TNNT1: variants seen among roughly 807,000 people sequenced by gnomAD.
TNNT1 encodes troponin T, slow skeletal muscle.
Under a neutral mutation model 50.6 loss-of-function variants are expected in TNNT1, and 53 were observed. The ratio of observed to expected loss-of-function variants is 1.05; its 90% confidence interval spans 0.84 to 1.32. The LOEUF is 1.32. Among genes scored for constraint, TNNT1 ranks in the 40% most tolerant of loss-of-function variants. The probability of loss-of-function intolerance (pLI) is 0.00; values close to 1 mark genes in which losing one functional copy is unlikely to be tolerated. For synonymous variants in TNNT1, 142 were observed against 138.0 expected (o/e 1.03, Z -0.20); for missense variants, 348 against 381.7 (o/e 0.91, Z 0.74).
At chr19:55,139,210 G>C (rs1019307322) in intron 9 of TNNT1, among the ~76,000 whole-genome samples, 6 of 152,172 alleles carry the variant, frequency 3.9e-5, no homozygotes, top group African/African-American at 1.4e-4. Flanking sequence ...ATGTTGGCCA[G>C]GCTGGTCTCA....
intron 9 of TNNT1, among the ~76,000 whole-genome samples, chr19:55,138,312 C>T (rs1379588003): frequency 5.6e-4 from 84 of 150,616 alleles, no homozygotes; most frequent in African/African-American, 2.1e-3. Context: ...GACTCTCGCT[C>T]TGTTGCTCAG....
At chr19:55,142,265 C>A (rs370973984) in intron 6 of TNNT1, among the ~76,000 whole-genome samples, 1 of 149,968 alleles carries the variant, frequency 6.7e-6, no homozygotes, top group South Asian at 2.1e-4. Flanking sequence ...GGACTACAGG[C>A]GCCCACCACC....
At chr19:55,142,800 A>G (rs2085483151) in intron 6 of TNNT1, among the ~76,000 whole-genome samples, 3 of 150,322 alleles carry the variant, frequency 2.0e-5, no homozygotes, top group Admixed American at 6.6e-5. Flanking sequence ...TGCCTGCCTC[A>G]GCCTCCCAAA....
rs2085359656 is a variant in TNNT1 at position 55,137,140 on chromosome 19, G to C, written c.574C>G (p.Pro192Ala). The stretch of plus-strand genomic sequence containing the variant: ...TCCCCCATGTAGTCAATGTCCAGAG[G>C]CTTCTTACGCTCGGAGAGGATGCGC... ...KVRILSERKKPLDIDYMGEEQ... is the reference protein window; with the variant it reads ...KVRILSERKKALDIDYMGEEQ... The change falls in exon 11 of 14, where the codon CCT becomes GCT. Residue 192 changes from proline (P) to alanine (A), a missense_variant. This residue lies in a region of TNNT1 where 253 missense variants were observed against 291.8 expected (regional missense o/e 0.87). Coordinates refer to ENST00000588981, the MANE Select transcript of TNNT1 (RefSeq NM_003283.6). The C allele has an allele frequency of 6.2e-7, 1 of 1,612,438 alleles. No homozygotes were observed. The highest frequency in any genetic ancestry group is 1.3e-5 in the African/African-American group (1 of 74,590).
chr19:55,147,078 A>G (rs1412196696), intron 2 of TNNT1, 48 bp downstream of exon 2: 1 of 1,613,086 alleles, frequency 6.2e-7, no homozygotes, highest in Non-Finnish European at 8.5e-7. Flanking sequence ...GGGGTGGGAG[A>G]GCCTCTCCAC....
intron 6 of TNNT1, among the ~76,000 whole-genome samples, chr19:55,142,546 ATTTTT>A (rs112126041): frequency 7.2e-6 from 1 of 138,554 alleles, no homozygotes; most frequent in Non-Finnish European, 1.6e-5. Context: ...CCTAGTAAGA[ATTTTT>A]TTTTTTTTTT....
chr19:55,132,883 CTTCCCAGGT>C lies in TNNT1; in HGVS notation c.*23_*31del, dbSNP rs746327981. 1.3e-6 allele frequency: 2 copies of C among 1,589,214 alleles called. No individual in the cohort carries two copies. Among genetic ancestry groups the C allele is most frequent in the East Asian group, 4.5e-5 (2 of 44,078 alleles). ...TACCGATGGGACAAACACTCCCAGGCTTCCCAGGTGCCACTGTCCGGGGCGGCATCCTCA... is the reference window on the plus strand; with the variant it reads ...TACCGATGGGACAAACACTCCCAGGCGCCACTGTCCGGGGCGGCATCCTCA... On this transcript the variant is annotated 3_prime_UTR_variant, in exon 14 of 14. Transcript: ENST00000588981.
chr19:55,137,864 C>CCAGGCCTCA, intron 10 of TNNT1, 97 bp downstream of exon 10: 16 of 1,474,858 alleles, frequency 1.1e-5, no homozygotes, highest in Non-Finnish European at 1.4e-5. Flanking sequence ...ACCCAGGAAT[C>CCAGGCCTCA]CAGGCCTCAG....
At chr19:55,145,797 C>T (rs1298793435) in intron 5 of TNNT1, among the ~76,000 whole-genome samples, 1 of 151,866 alleles carries the variant, frequency 6.6e-6, no homozygotes, top group Non-Finnish European at 1.5e-5. Flanking sequence ...ACATTCAGAA[C>T]TGGTGTGGGG....
intron 11 of TNNT1, among the ~76,000 whole-genome samples, chr19:55,134,942 C>A: frequency 6.6e-6 from 1 of 151,190 alleles, no homozygotes; most frequent in South Asian, 2.1e-4. Context: ...ATGCCATTCT[C>A]TGGTTTATGA....
chr19:55,148,709 T>G (rs1374115301), intron 1 of TNNT1, among the ~76,000 whole-genome samples: 1 of 151,886 alleles, frequency 6.6e-6, no homozygotes, highest in African/African-American at 2.4e-5. Flanking sequence ...CACTCTAAGT[T>G]TTCATGCTTT....
chr19:55,140,809 A>G, intron 9 of TNNT1, 74 bp downstream of exon 9: 8 of 1,047,010 alleles, frequency 7.6e-6, no homozygotes, highest in Admixed American at 2.2e-5. Context: ...AATAATAATA[A>G]TAATAATAAT....
chr19:55,133,002 C>A, intron 13 of TNNT1, 42 bp from the exon 14 acceptor site: 1 of 1,553,034 alleles, frequency 6.4e-7, no homozygotes, highest in East Asian at 2.3e-5. Flanking sequence ...GGGGCCCCTC[C>A]AGTCTCTGAA....
Position 55,137,971 on chromosome 19 carries a change from T to A in TNNT1, c.491A>T (p.Tyr164Phe). Residue 164 changes from tyrosine (Y) to phenylalanine (F), a missense_variant, in exon 10 of 14, where the codon TAC becomes TTC. Transcript: ENST00000588981. ...LSNMGAHFGG[Y>F]LVKAEQKRGK... Reference sequence around the variant, plus strand: ...TGCAGGCTGACTCACCTTGACCAGGTAGCCGCCAAAATGGGCCCCCATGTT... The same window carrying A: ...TGCAGGCTGACTCACCTTGACCAGGAAGCCGCCAAAATGGGCCCCCATGTT... The A allele has an allele frequency of 6.2e-7, 1 of 1,614,174 alleles. No homozygotes were observed. Among genetic ancestry groups the A allele is most frequent in the Non-Finnish European group, 8.5e-7 (1 of 1,180,026 alleles).
intron 9 of TNNT1, 26 bp downstream of exon 9, chr19:55,140,857 G>A (rs1249339110): frequency 1.0e-5 from 16 of 1,602,522 alleles, no homozygotes; most frequent in Non-Finnish European, 1.3e-5. Context: ...TAACATTTGG[G>A]CTCTCAGGGC....
At position 55,141,380 on chromosome 19, in the gene TNNT1, T is replaced by C. The variant is rs908104947; in HGVS notation, c.193-78A>G. The C allele has an allele frequency of 1.0e-5, 11 of 1,068,108 alleles. No individual in the cohort carries two copies. In the African/African-American group the frequency reaches 1.6e-4, roughly 15 times the overall value. 66.2% of individuals were successfully genotyped at this position (1,068,108 alleles called of 1,614,324 possible). On this transcript the variant is annotated intron_variant, in intron 7 of 13. Transcript: ENST00000588981. ...CTCCCAGCACCTCCCCCATGCAGGATGGTGAACTGAACCGTTTCCCAGGAC... is the reference window on the plus strand; with the variant it reads ...CTCCCAGCACCTCCCCCATGCAGGACGGTGAACTGAACCGTTTCCCAGGAC...
chr19:55,142,601 G>A (rs2085479771), intron 6 of TNNT1, among the ~76,000 whole-genome samples: 1 of 149,468 alleles, frequency 6.7e-6, no homozygotes. Flanking sequence ...CTGGAATGCA[G>A]TGGCGCCATC....
Position 55,137,090 on chromosome 19 carries a change from C to G in TNNT1, c.611+13G>C. ...CCCAGGCCCCTACACCCCGAGCCCC[C>G]CACAGCACCTACCGGAGCTGTTCCT... On this transcript the variant is annotated intron_variant, in intron 11 of 13. Transcript: ENST00000588981. 1.9e-6 allele frequency: 3 copies of G among 1,546,596 alleles called. No homozygotes were observed. The highest frequency in any genetic ancestry group is 1.4e-5 in the African/African-American group (1 of 73,396).
Position 55,145,468 on chromosome 19 carries a change from C to A in TNNT1, c.128+76G>T. ...TTCCTCCCTCCATCTCTGCCTTTCTCACACCTTGTCTCTGGGGGTAGAGGG... is the reference window on the plus strand; with the variant it reads ...TTCCTCCCTCCATCTCTGCCTTTCTAACACCTTGTCTCTGGGGGTAGAGGG... On this transcript the variant is annotated intron_variant, in intron 6 of 13. Coordinates refer to ENST00000588981, the MANE Select transcript of TNNT1 (RefSeq NM_003283.6). 2.0e-6 allele frequency: 3 copies of A among 1,473,466 alleles called. No homozygotes were observed. In the South Asian group the frequency reaches 3.5e-5, roughly 17 times the overall value. The allele number at this position is 1,473,466 out of a possible 1,614,324, so 91.3% of individuals were successfully genotyped here.
Sources: allele counts gnomAD v4.1 joint callset (sites outside exome capture counted in the v4.1 genomes callset), GRCh38; gene constraint gnomAD v4.1.1; regional missense constraint gnomAD v4.1.1; transcripts MANE v1.5; gene names NCBI Gene and HGNC (gene_info 2026-07-23, HGNC 2026-07-21).